RBFOX1: variants seen among roughly 807,000 people sequenced by gnomAD.
RBFOX1 encodes the protein RNA binding protein fox-1 homolog 1.
A neutral mutation model predicts 57.7 loss-of-function variants in RBFOX1; 8 were observed. The ratio of observed to expected loss-of-function variants is 0.14; its 90% CI spans 0.08 to 0.25. The LOEUF (loss-of-function observed/expected upper bound fraction) is 0.25, where lower values mean the gene tolerates loss of function less well. Among genes scored for constraint, RBFOX1 ranks in the 10% least tolerant of loss-of-function variants. The pLI, the probability that RBFOX1 is intolerant of heterozygous loss-of-function variation, is 1.00. For synonymous variants in RBFOX1, 326 were observed against 222.4 expected, an observed-to-expected ratio of 1.47 and a Z score of -4.15; for missense variants, 611 against 548.5, an observed-to-expected ratio of 1.11 and a Z score of -1.14.
At chr16:6,108,637 C>T (rs1054451923) in intron 1 of RBFOX1, among the ~76,000 whole-genome samples, 1 of 152,150 alleles carries the variant, frequency 6.6e-6, no homozygotes. Context: ...GACATTTATT[C>T]TTTCACAGTT....
At chr16:5,590,951 C>T (rs2046986648) in intron 2 of RBFOX1, among the ~76,000 whole-genome samples, 1 of 152,058 alleles carries the variant, frequency 6.6e-6, no homozygotes, top group Admixed American at 6.6e-5. Flanking sequence ...ATTCAGACCA[C>T]ACTGAAAGGA....
intron 3 of RBFOX1, among the ~76,000 whole-genome samples, chr16:5,778,973 T>A (rs1597216542): frequency 6.6e-6 from 1 of 152,204 alleles, no homozygotes. Flanking sequence ...CATCCATTGA[T>A]CTATTCATTA....
chr16:6,335,614 C>T (rs865958951), intron 2 of RBFOX1, among the ~76,000 whole-genome samples: 1 of 151,488 alleles, frequency 6.6e-6, no homozygotes, highest in Non-Finnish European at 1.5e-5. Flanking sequence ...CTCGTCTCTA[C>T]TAAAAATACA....
intron 1 of RBFOX1, among the ~76,000 whole-genome samples, chr16:5,301,637 A>AAAC (rs1222721960): frequency 2.1e-4 from 31 of 150,728 alleles, no homozygotes; most frequent in East Asian, 7.8e-4. Flanking sequence ...AAAAAAAAAA[A>AAAC]ACACACAAAA....
At chr16:7,469,908 T>C (rs2061250894) in intron 4 of RBFOX1, among the ~76,000 whole-genome samples, 1 of 152,214 alleles carries the variant, frequency 6.6e-6, no homozygotes, top group Admixed American at 6.5e-5. Flanking sequence ...GCTAAGTACC[T>C]CATATAAATG....
intron 1 of RBFOX1, among the ~76,000 whole-genome samples, chr16:6,276,389 C>T (rs2075805054): frequency 1.3e-5 from 2 of 152,090 alleles, no homozygotes; most frequent in Admixed American, 6.5e-5. Flanking sequence ...AGCTGGAGTG[C>T]AGTGGCACGA....
intron 4 of RBFOX1, among the ~76,000 whole-genome samples, chr16:7,385,386 TA>T (rs1402327612): frequency 1.3e-5 from 2 of 152,020 alleles, no homozygotes; most frequent in Non-Finnish European, 2.9e-5. Context: ...TGTAGAAAAT[TA>T]ACAGGCAGAT....
chr16:7,261,135 C>G (rs2094903591), intron 4 of RBFOX1, among the ~76,000 whole-genome samples: 1 of 150,502 alleles, frequency 6.6e-6, no homozygotes, highest in Non-Finnish European at 1.5e-5. Context: ...GACACATATC[C>G]AAAGAGCCAA....
intron 1 of RBFOX1, among the ~76,000 whole-genome samples, chr16:5,348,711 GGTTAATAA>G (rs1401349964): frequency 6.6e-6 from 1 of 152,120 alleles, no homozygotes; most frequent in Non-Finnish European, 1.5e-5. Context: ...TCTGAATGTT[GGTTAATAA>G]TGAGGACCCC....
intron 1 of RBFOX1, among the ~76,000 whole-genome samples, chr16:6,304,809 A>G (rs1219299291): frequency 1.4e-5 from 2 of 146,302 alleles, no homozygotes; most frequent in African/African-American, 5.2e-5. Context: ...GGAGGTGGAA[A>G]TTGCAGTGAG....
chr16:6,773,364 T>TTGTG (rs147890940), intron 3 of RBFOX1, among the ~76,000 whole-genome samples: 4 of 129,724 alleles, frequency 3.1e-5, no homozygotes, highest in Non-Finnish European at 4.9e-5. Flanking sequence ...TGGGGTGCAT[T>TTGTG]TGTGTGTGTG....
chr16:7,073,550 G>A (rs534254338), intron 4 of RBFOX1, among the ~76,000 whole-genome samples: 14 of 152,076 alleles, frequency 9.2e-5, no homozygotes, highest in African/African-American at 3.4e-4. Context: ...GTCCAGTAAT[G>A]ATAAATACCA....
chr16:7,519,697 G>C (rs1013020522), intron 5 of RBFOX1: 35 of 985,202 alleles, frequency 3.6e-5, no homozygotes, highest in Non-Finnish European at 4.2e-5. Context: ...CTGTCGTCTG[G>C]AACATTTTTT....
At chr16:6,157,350 C>T (rs768908114) in intron 1 of RBFOX1, among the ~76,000 whole-genome samples, 4 of 152,046 alleles carry the variant, frequency 2.6e-5, no homozygotes, top group African/African-American at 7.2e-5. Context: ...ACAGGATGCC[C>T]AGCTAAATTT....
intron 4 of RBFOX1, among the ~76,000 whole-genome samples, chr16:5,867,966 C>T (rs2057382231): frequency 6.6e-6 from 1 of 152,160 alleles, no homozygotes; most frequent in South Asian, 2.1e-4. Context: ...CTCGCCTCAG[C>T]CTCCTAAAAT....
At chr16:6,435,091 A>G (rs1159372032) in intron 2 of RBFOX1, among the ~76,000 whole-genome samples, 1 of 152,214 alleles carries the variant, frequency 6.6e-6, no homozygotes, top group African/African-American at 2.4e-5. Context: ...AATCTATAGC[A>G]TTAGTCAGTC....
intron 2 of RBFOX1, among the ~76,000 whole-genome samples, chr16:6,469,866 C>T (rs1183995970): frequency 6.6e-6 from 1 of 152,166 alleles, no homozygotes; most frequent in African/African-American, 2.4e-5. Context: ...ACCTATAGGG[C>T]AGTAGATTTG....
chr16:7,248,139 GA>G lies in RBFOX1; in HGVS notation c.27+196042del, dbSNP rs527606022. The stretch of plus-strand genomic sequence containing the variant: ...AATGAAGGCAAAGACTTCAGAGGGA[GA>G]TGGCTCTCAGTTTTGAGCCTTGGTT... On this transcript the variant is annotated intron_variant, in intron 4 of 15. Coordinates refer to ENST00000550418, the MANE Select transcript of RBFOX1 (RefSeq NM_018723.4). Among the ~76,000 whole-genome samples, 15 of 152,342 alleles carry G rather than the reference GA, an allele frequency of 9.8e-5. No homozygotes were observed. In the East Asian group the frequency reaches 2.5e-3, roughly 25 times the overall value.
chr16:6,960,421 C>A (rs935470451), intron 3 of RBFOX1, among the ~76,000 whole-genome samples: 1 of 152,124 alleles, frequency 6.6e-6, no homozygotes, highest in Non-Finnish European at 1.5e-5. Flanking sequence ...AGGCCTTCTC[C>A]CTGTACCCGG....
Sources: allele counts gnomAD v4.1 joint callset (sites outside exome capture counted in the v4.1 genomes callset), GRCh38; gene constraint gnomAD v4.1.1; transcripts MANE v1.5; gene names NCBI Gene and HGNC (gene_info 2026-07-23, HGNC 2026-07-21).